The following PPARG variants were observed in gnomAD, a reference collection of about 807,000 sequenced individuals.
PPARG encodes peroxisome proliferator-activated receptor gamma.
A neutral mutation model predicts 39.2 loss-of-function variants in PPARG; 17 were observed. That is an observed-to-expected ratio of 0.43 (90% CI 0.30 to 0.65). The LOEUF (loss-of-function observed/expected upper bound fraction) is 0.65. PPARG is among the 30% of genes least tolerant of loss of function. The probability of loss-of-function intolerance (pLI) is 0.13; values close to 1 mark genes in which losing one functional copy is unlikely to be tolerated. For missense variants in PPARG, 406 were observed against 585.9 expected (o/e 0.69, Z 3.17); for synonymous variants, 223 against 215.7 (o/e 1.03, Z -0.30).
At chr3:12,299,024 C>T (rs764789427) in intron 1 of PPARG, among the ~76,000 whole-genome samples, 8 of 151,942 alleles carry the variant, frequency 5.3e-5, no homozygotes, top group Non-Finnish European at 8.8e-5. Context: ...TTTGTAGAAA[C>T]AGGGGTTCGC....
chr3:12,361,011 A>G (rs1257474863), intron 2 of PPARG, among the ~76,000 whole-genome samples: 1 of 152,156 alleles, frequency 6.6e-6, no homozygotes, highest in African/African-American at 2.4e-5. Context: ...CTAGAAATCT[A>G]TACTTCTACT....
intron 2 of PPARG, among the ~76,000 whole-genome samples, chr3:12,368,471 C>T (rs1054548863): frequency 1.3e-5 from 2 of 152,094 alleles, no homozygotes; most frequent in Non-Finnish European, 2.9e-5. Flanking sequence ...CGTGAGCCAC[C>T]ACGCCCAGCC....
intron 6 of PPARG, among the ~76,000 whole-genome samples, chr3:12,413,059 A>C (rs2050934629): frequency 1.3e-5 from 2 of 152,220 alleles, no homozygotes; most frequent in Non-Finnish European, 2.9e-5. Context: ...AAAATACAAA[A>C]AAACAGCCAT....
intron 1 of PPARG, among the ~76,000 whole-genome samples, chr3:12,311,276 C>G (rs2047235571): frequency 6.6e-6 from 1 of 151,906 alleles, no homozygotes; most frequent in Non-Finnish European, 1.5e-5. Flanking sequence ...GCTAATTTTT[C>G]TGTTTTTTGT....
intron 1 of PPARG, among the ~76,000 whole-genome samples, chr3:12,298,402 GACACACAC>G (rs561853093): frequency 1.4e-5 from 2 of 140,280 alleles, no homozygotes; most frequent in African/African-American, 5.3e-5. Flanking sequence ...TATATGTATA[GACACACAC>G]ACACACACAC....
At chr3:12,290,308 T>A (rs1347381513) in intron 1 of PPARG, among the ~76,000 whole-genome samples, 1 of 152,072 alleles carries the variant, frequency 6.6e-6, no homozygotes, top group Non-Finnish European at 1.5e-5. Context: ...GGCTGAAGAC[T>A]TTTTGGATGT....
chr3:12,316,036 T>G (rs1026318323), intron 2 of PPARG, among the ~76,000 whole-genome samples: 2 of 152,174 alleles, frequency 1.3e-5, no homozygotes, highest in Admixed American at 1.3e-4. Flanking sequence ...TGTCTGGGAA[T>G]TCAGTGAATA....
intron 2 of PPARG, among the ~76,000 whole-genome samples, chr3:12,374,196 G>T (rs1191374462): frequency 6.6e-6 from 1 of 152,152 alleles, no homozygotes; most frequent in Non-Finnish European, 1.5e-5. Flanking sequence ...TACCATTCTT[G>T]GGTGGAGGAA....
intron 7 of PPARG, among the ~76,000 whole-genome samples, chr3:12,431,135 CCTGA>C (rs1350195677): frequency 1.3e-5 from 2 of 151,662 alleles, no homozygotes; most frequent in East Asian, 3.9e-4. Context: ...TCTTGATGAG[CCTGA>C]CTGAGAAAAC....
chr3:12,338,939 A>C (rs941644171), intron 2 of PPARG, among the ~76,000 whole-genome samples: 4 of 152,236 alleles, frequency 2.6e-5, no homozygotes, highest in Admixed American at 1.3e-4. Context: ...ATATAATCTA[A>C]AATATGAATT....
chr3:12,341,487 T>C (rs1259733310), intron 2 of PPARG, among the ~76,000 whole-genome samples: 2 of 152,158 alleles, frequency 1.3e-5, no homozygotes, highest in African/African-American at 4.8e-5. Flanking sequence ...TGGCTTTAGT[T>C]GCTGAAGGAA....
intron 5 of PPARG, among the ~76,000 whole-genome samples, chr3:12,402,356 C>T (rs2050506105): frequency 6.6e-6 from 1 of 152,158 alleles, no homozygotes; most frequent in African/African-American, 2.4e-5. Context: ...GTGCTTTTCT[C>T]ATGATCATTT....
At chr3:12,312,876 G>A (rs1027883782) in intron 2 of PPARG, among the ~76,000 whole-genome samples, 1 of 152,118 alleles carries the variant, frequency 6.6e-6, no homozygotes, top group Non-Finnish European at 1.5e-5. Context: ...AAGTAGCTTC[G>A]TATAAGCCAA....
rs1159173439 is a variant in PPARG at position 12,434,193 on chromosome 3, T to C, written c.*48T>C. 1 of 1,612,614 alleles carries C rather than the reference T, an allele frequency of 6.2e-7. No homozygotes were observed. The highest frequency in any genetic ancestry group is 2.2e-5 in the East Asian group (1 of 44,888). On this transcript the variant is annotated 3_prime_UTR_variant, in exon 8 of 8. Transcript: ENST00000651735. This position sits in a 1 kb window ranked among gnomAD's most constrained non-coding sequence, Gnocchi z 4.2. ...AACATTTCCCTTCTTCCAGTTGCAC[T>C]ATTCTGAGGGAAAATCTGACACCTA...
chr3:12,310,793 A>G (rs1337828097), intron 1 of PPARG, among the ~76,000 whole-genome samples: 1 of 26,938 alleles, frequency 3.7e-5, no homozygotes, highest in African/African-American at 1.4e-4. Flanking sequence ...CTTAAATGTA[A>G]AAAAAAAAAA....
intron 2 of PPARG, among the ~76,000 whole-genome samples, chr3:12,318,367 GTTAT>G (rs1333126349): frequency 6.6e-6 from 1 of 152,166 alleles, no homozygotes; most frequent in Non-Finnish European, 1.5e-5. Flanking sequence ...TAAGTTGCTA[GTTAT>G]TAGGAAGAAA....
intron 2 of PPARG, among the ~76,000 whole-genome samples, chr3:12,332,252 T>C (rs1049989591): frequency 1.5e-4 from 23 of 152,208 alleles, no homozygotes; most frequent in African/African-American, 5.1e-4. Context: ...GCCATTTTTC[T>C]GTCTTGGTAA....
chr3:12,313,360 G>A (rs1243734932), intron 2 of PPARG, among the ~76,000 whole-genome samples: 2 of 152,176 alleles, frequency 1.3e-5, no homozygotes, highest in African/African-American at 4.8e-5. Flanking sequence ...AAACTAGATC[G>A]TGGTTTCCAA....
At chr3:12,417,668 A>G (rs1204742744) in intron 7 of PPARG, among the ~76,000 whole-genome samples, 1 of 151,324 alleles carries the variant, frequency 6.6e-6, no homozygotes, top group Non-Finnish European at 1.5e-5. Flanking sequence ...ACCTCCACCC[A>G]CTCTCTTGTG....
Sources: gnomAD v4.1 joint callset for allele counts (sites outside exome capture counted in the v4.1 genomes callset) on GRCh38, gnomAD v4.1.1 for gene constraint, Gnocchi (gnomAD v3.1) non-coding constraint, MANE v1.5 for transcripts, NCBI Gene and HGNC (gene_info 2026-07-23, HGNC 2026-07-21) for gene names.